INTS12: variants seen among roughly 807,000 people sequenced by gnomAD.
INTS12 encodes the protein PHD finger protein 22.
Under a neutral mutation model 41.6 loss-of-function variants are expected in INTS12, and 13 were observed. The observed-to-expected ratio is 0.31, with a 90% CI of 0.20 to 0.50. The LOEUF is 0.50. Ranked by LOEUF, INTS12 falls within the 20% of genes least tolerant of loss-of-function variation. INTS12 has a pLI of 0.98. For synonymous variants in INTS12, 199 were observed against 191.4 expected (o/e 1.04, Z -0.33); for missense variants, 432 against 541.6 (o/e 0.80, Z 2.01).
intron 6 of INTS12, 119 bp downstream of exon 6, chr4:105,691,857 T>C: frequency 1.4e-6 from 1 of 704,686 alleles, no homozygotes. Context: ...TATAAATAAA[T>C]AATCAGCTTA....
chr4:105,695,280 T>A (rs1731821382), intron 4 of INTS12, among the ~76,000 whole-genome samples: 1 of 152,102 alleles, frequency 6.6e-6, no homozygotes, highest in Admixed American at 6.5e-5. Flanking sequence ...CTATACTCCC[T>A]AGGACTCAAA....
Position 105,693,394 on chromosome 4 carries a change from A to G in INTS12, c.402T>C (p.Ser134=). The change falls in exon 5 of 8, where the codon AGT becomes AGC. Residue 134 remains serine (S), a synonymous_variant. Coordinates refer to ENST00000340139, the MANE Select transcript of INTS12 (RefSeq NM_020395.4). ...ETQSSPITVQ[S]SKDLPMADLS... Reference sequence around the variant, plus strand: ...GGTCAGCCATAGGTAAATCCTTGCTACTTTGGACAGTAATGGGAGATGACT... The same window carrying G: ...GGTCAGCCATAGGTAAATCCTTGCTGCTTTGGACAGTAATGGGAGATGACT... 1 of 1,614,082 alleles carries G rather than the reference A, an allele frequency of 6.2e-7. No homozygotes were observed. Among genetic ancestry groups the G allele is most frequent in the Non-Finnish European group, 8.5e-7 (1 of 1,179,948 alleles).
chr4:105,698,508 A>T (rs143528639), intron 3 of INTS12, among the ~76,000 whole-genome samples: 1 of 152,210 alleles, frequency 6.6e-6, no homozygotes, highest in East Asian at 1.9e-4. Flanking sequence ...CAAATTTTTC[A>T]TGTTCTTTAA....
intron 3 of INTS12, among the ~76,000 whole-genome samples, chr4:105,697,273 C>T (rs1352294008): frequency 6.6e-6 from 1 of 152,196 alleles, no homozygotes. Context: ...ATTCCCCCTC[C>T]CCCAAAAGGA....
Position 105,692,145 on chromosome 4 carries a change from C to T in INTS12, c.498-10G>A, listed in dbSNP as rs185824135. 3.0e-5 allele frequency: 49 copies of T among 1,607,778 alleles called. No individual in the cohort carries two copies. Among genetic ancestry groups the T allele is most frequent in the Non-Finnish European group, 4.1e-5 (48 of 1,176,710 alleles). ...TGCCACCATCATTTGCCTAAGAAAA[C>T]ATACCATTAAACATTACACTACTTT... On this transcript the variant is annotated splice_polypyrimidine_tract_variant and intron_variant, in intron 5 of 7. Coordinates refer to ENST00000340139, the MANE Select transcript of INTS12 (RefSeq NM_020395.4).
rs368658206 is a variant in INTS12 at position 105,693,403 on chromosome 4, A to G, written c.393T>C (p.Thr131=). 3.7e-6 allele frequency: 6 copies of G among 1,613,892 alleles called. No individual in the cohort carries two copies. In the African/African-American group the frequency reaches 6.7e-5, roughly 18 times the overall value. ...TAGGTAAATCCTTGCTACTTTGGACAGTAATGGGAGATGACTGTGTTTCTG... is the reference window on the plus strand; with the variant it reads ...TAGGTAAATCCTTGCTACTTTGGACGGTAATGGGAGATGACTGTGTTTCTG... The part of the protein sequence containing the change: ...EKPETQSSPI[T]VQSSKDLPMA... The change falls in exon 5 of 8, where the codon ACT becomes ACC. Residue 131 remains threonine (T), a synonymous_variant. Transcript: ENST00000340139.
Position 105,683,199 on chromosome 4 carries a change from G to T in INTS12, c.923C>A (p.Ala308Glu). 3 of 1,614,106 alleles carry T rather than the reference G, an allele frequency of 1.9e-6. No individual in the cohort carries two copies. The highest frequency in any genetic ancestry group is 2.5e-6 in the Non-Finnish European group (3 of 1,179,982). The change falls in exon 8 of 8, where the codon GCA becomes GAA. Residue 308 changes from alanine to glutamate, a missense_variant. Physicochemically the swap from Ala to Glu is moderately radical, Grantham distance 107 (BLOSUM62 -1). This residue lies in a region of INTS12 where 258 missense variants were observed against 309.9 expected (regional missense o/e 0.83). Coordinates refer to ENST00000340139, the MANE Select transcript of INTS12 (RefSeq NM_020395.4). The part of the protein sequence containing the change: ...AKTSSAGPST[A>E]KLSSTTQNNT... ...GTTTTGTGTTGTTGAACTCAATTTTGCTGTTGAAGGACCAGCAGAGGAAGT... is the reference window on the plus strand; with the variant it reads ...GTTTTGTGTTGTTGAACTCAATTTTTCTGTTGAAGGACCAGCAGAGGAAGT...
At chr4:105,707,944 G>A in intron 1 of INTS12, 1 of 985,196 alleles carries the variant, frequency 1.0e-6, no homozygotes, top group Non-Finnish European at 1.2e-6. Flanking sequence ...GAAGTCCAAA[G>A]TTGATCATAT....
chr4:105,698,151 T>A (rs1025627707), intron 3 of INTS12, among the ~76,000 whole-genome samples: 1 of 152,192 alleles, frequency 6.6e-6, no homozygotes, highest in African/African-American at 2.4e-5. Context: ...AGCAAAAAAG[T>A]TGTTCTAGTT....
intron 4 of INTS12, among the ~76,000 whole-genome samples, chr4:105,694,099 T>C (rs1210803448): frequency 6.6e-6 from 1 of 152,168 alleles, no homozygotes; most frequent in Non-Finnish European, 1.5e-5. Flanking sequence ...TCAAACTCCA[T>C]TGTAATAGAA....
At chr4:105,686,339 T>G (rs1474950478) in intron 7 of INTS12, among the ~76,000 whole-genome samples, 1 of 152,190 alleles carries the variant, frequency 6.6e-6, no homozygotes. Flanking sequence ...TCCACCCGCC[T>G]TGGCCTCCCA....
At chr4:105,697,982 A>T (rs1343248388) in intron 3 of INTS12, among the ~76,000 whole-genome samples, 1 of 152,166 alleles carries the variant, frequency 6.6e-6, no homozygotes, top group African/African-American at 2.4e-5. Flanking sequence ...CCTGGGAGGG[A>T]GAGAGCGCAG....
chr4:105,702,987 C>A, intron 2 of INTS12: 3 of 985,166 alleles, frequency 3.0e-6, no homozygotes, highest in Non-Finnish European at 3.6e-6. Flanking sequence ...CTACAGCAGT[C>A]ATAAAGAGGT....
intron 3 of INTS12, 87 bp from the exon 4 acceptor site, chr4:105,695,755 A>C (rs1731840467): frequency 1.9e-6 from 2 of 1,058,176 alleles, no homozygotes; most frequent in African/African-American, 1.6e-5. Flanking sequence ...TTTTCAGTTA[A>C]AAATTAAGAC....
At position 105,682,934 on chromosome 4, in the gene INTS12, T is replaced by C. The variant is rs1366300638; in HGVS notation, c.1188A>G (p.Gly396=). Residue 396 remains glycine, a synonymous_variant, in exon 8 of 8, where the codon GGA becomes GGG. Transcript: ENST00000340139. ...GLPSPSSLVP[G]SSSQLSGNGN... Reference sequence around the variant, plus strand: ...CATTCCCACTTAGTTGGCTGCTGCTTCCTGGAACTAAACTACTTGGACTAG... The same window carrying C: ...CATTCCCACTTAGTTGGCTGCTGCTCCCTGGAACTAAACTACTTGGACTAG... 6.2e-7 allele frequency: 1 copy of C among 1,614,134 alleles called. No individual in the cohort carries two copies. Among genetic ancestry groups the C allele is most frequent in the Admixed American group, 1.7e-5 (1 of 60,018 alleles).
chr4:105,708,482 G>A (rs1026371967), intron 1 of INTS12, 156 bp downstream of exon 1: 2 of 985,102 alleles, frequency 2.0e-6, no homozygotes, highest in African/African-American at 3.5e-5. Context: ...AAAGGGGAGA[G>A]CAGTCAGTCT....
At chr4:105,700,466 A>G (rs972116313) in intron 2 of INTS12, among the ~76,000 whole-genome samples, 8 of 151,596 alleles carry the variant, frequency 5.3e-5, no homozygotes, top group African/African-American at 1.7e-4. Flanking sequence ...CTATCGTAAG[A>G]GGGCAATGGT....
intron 2 of INTS12, among the ~76,000 whole-genome samples, chr4:105,701,175 AGC>A (rs761745759): frequency 6.6e-6 from 1 of 150,702 alleles, no homozygotes; most frequent in Non-Finnish European, 1.5e-5. Context: ...CCTCCCCTCC[AGC>A]TTCACTCCTC....
intron 5 of INTS12, 82 bp from the exon 6 acceptor site, chr4:105,692,217 C>G (rs561110528): frequency 7.4e-6 from 10 of 1,348,138 alleles, no homozygotes; most frequent in African/African-American, 1.5e-5. Context: ...GGTGTGCTGG[C>G]TCATGCCTGT....
Sources: gnomAD v4.1 joint callset for allele counts (sites outside exome capture counted in the v4.1 genomes callset) on GRCh38, gnomAD v4.1.1 for gene constraint, gnomAD v4.1.1 regional missense constraint, MANE v1.5 for transcripts, NCBI Gene and HGNC (gene_info 2026-07-23, HGNC 2026-07-21) for gene names.